ZBED6: variants seen among roughly 807,000 people sequenced by gnomAD.
The protein encoded by ZBED6 is zinc finger BED domain-containing protein 6.
Under a neutral mutation model 58.4 loss-of-function variants are expected in ZBED6, and 40 were observed. The observed-to-expected ratio is 0.68, with a 90% CI of 0.53 to 0.89. The LOEUF is 0.89. ZBED6 is among the 40% of genes least tolerant of loss of function. The pLI is 0.00. For synonymous variants in ZBED6, 439 were observed against 350.6 expected (o/e 1.25, Z -2.82); for missense variants, 1,057 against 1,003.9 (o/e 1.05, Z -0.71).
intron 1 of ZBED6, among the ~76,000 whole-genome samples, chr1:203,812,783 T>G (rs1324294528): frequency 6.6e-6 from 1 of 152,052 alleles, no homozygotes; most frequent in Non-Finnish European, 1.5e-5. Flanking sequence ...GGTCTCACCA[T>G]GTTTGCCAAG....
exon 1 of ZBED6, chr1:203,796,281 A>G (rs1254684497): frequency 1.3e-5 from 5 of 396,360 alleles, no homozygotes; most frequent in Non-Finnish European, 2.2e-5. Context: ...ACCTACTCTC[A>G]TTCCTCTCCA....
intron 11 of ZBED6, among the ~76,000 whole-genome samples, chr1:203,840,978 G>T (rs1204155012): frequency 1.3e-5 from 2 of 152,034 alleles, no homozygotes; most frequent in Non-Finnish European, 2.9e-5. Flanking sequence ...AATAAAAAGG[G>T]TTTAGATAAA....
chr1:203,797,744 G>A, exon 1 of ZBED6: 1 of 1,535,620 alleles, frequency 6.5e-7, no homozygotes. Context: ...AGGGGAAAAG[G>A]CGTCGAAAAA....
chr1:203,853,969 T>G (rs979523861), exon 17 of ZBED6: 9 of 152,682 alleles, frequency 5.9e-5, no homozygotes, highest in Admixed American at 5.2e-4. Flanking sequence ...TTTGTATATA[T>G]TCTTTATTCT....
At chr1:203,846,962 A>G (rs887184072) in intron 11 of ZBED6, among the ~76,000 whole-genome samples, 6 of 151,680 alleles carry the variant, frequency 4.0e-5, no homozygotes, top group African/African-American at 9.7e-5. Context: ...CTGAGATTAT[A>G]CCACTGCACT....
chr1:203,846,745 TGAAGAA>T (rs1384227018), intron 11 of ZBED6, among the ~76,000 whole-genome samples: 3 of 152,242 alleles, frequency 2.0e-5, no homozygotes, highest in Non-Finnish European at 2.9e-5. Flanking sequence ...TTTCAGTTTC[TGAAGAA>T]TAAGCTTCTG....
At chr1:203,841,610 G>C (rs944285363) in intron 11 of ZBED6, among the ~76,000 whole-genome samples, 6 of 151,490 alleles carry the variant, frequency 4.0e-5, no homozygotes, top group Admixed American at 2.6e-4. Context: ...ACATTTCCCC[G>C]TTTTCTATTC....
chr1:203,817,270 T>C, intron 2 of ZBED6, 146 bp downstream of exon 2: 2 of 593,552 alleles, frequency 3.4e-6, no homozygotes, highest in Non-Finnish European at 5.6e-6. Flanking sequence ...TAAAGGATAA[T>C]GTATTTAGGG....
exon 1 of ZBED6, chr1:203,797,678 G>A: frequency 6.5e-7 from 1 of 1,535,904 alleles, no homozygotes; most frequent in Non-Finnish European, 8.7e-7. Context: ...CAGAAGGAGT[G>A]AATAAAGAGG....
intron 16 of ZBED6, 121 bp downstream of exon 16, chr1:203,851,245 T>A: frequency 1.1e-6 from 1 of 873,270 alleles, no homozygotes; most frequent in Non-Finnish European, 1.7e-6. Flanking sequence ...CACTTCAAAT[T>A]AATTGCAAGA....
At chr1:203,813,741 G>A (rs1241208573) in intron 1 of ZBED6, among the ~76,000 whole-genome samples, 1 of 152,062 alleles carries the variant, frequency 6.6e-6, no homozygotes, top group Non-Finnish European at 1.5e-5. Flanking sequence ...GGCTTCTGGT[G>A]TTTGTTGGCA....
chr1:203,828,254 G>GTATC lies in ZBED6; in HGVS notation c.*2874-44_*2874-41dup, dbSNP rs1227880822. The GTATC allele has an allele frequency of 1.9e-6, 3 of 1,610,814 alleles. No homozygotes were observed. The African/African-American group carries it at 4.0e-5, about 22-fold the overall frequency. On this transcript the variant is annotated intron_variant, in intron 3 of 16. Transcript: ENST00000550078. ...AAAACAAACTGCCACATGAATATACGTATCACTGTTTTATTTGAAAGCAAT... is the reference window on the plus strand; with the variant it reads ...AAAACAAACTGCCACATGAATATACGTATCTATCACTGTTTTATTTGAAAGCAAT...
At chr1:203,831,803 G>T in intron 8 of ZBED6, 32 bp downstream of exon 8, 1 of 1,544,334 alleles carries the variant, frequency 6.5e-7, no homozygotes, top group Non-Finnish European at 8.8e-7. Flanking sequence ...GAGTTGTCAA[G>T]CCTCTACTTT....
chr1:203,842,732 C>A (rs1209003125), intron 11 of ZBED6, among the ~76,000 whole-genome samples: 1 of 149,762 alleles, frequency 6.7e-6, no homozygotes, highest in African/African-American at 2.5e-5. Context: ...TAAACATATA[C>A]CTTTAAAAAA....
chr1:203,823,216 A>G (rs1206034799), intron 3 of ZBED6, among the ~76,000 whole-genome samples: 1 of 152,202 alleles, frequency 6.6e-6, no homozygotes, highest in Non-Finnish European at 1.5e-5. Flanking sequence ...TTATTGCAGC[A>G]ATAGAGTAAA....
At chr1:203,827,476 C>G (rs1156492689) in intron 3 of ZBED6, among the ~76,000 whole-genome samples, 2 of 151,150 alleles carry the variant, frequency 1.3e-5, no homozygotes, top group African/African-American at 4.9e-5. Context: ...GTCAGGAGAT[C>G]AAGACCATCC....
intron 2 of ZBED6, among the ~76,000 whole-genome samples, chr1:203,818,119 CAGT>C (rs2102789898): frequency 1.3e-5 from 2 of 152,234 alleles, no homozygotes; most frequent in South Asian, 2.1e-4. Flanking sequence ...GTTTGCACAA[CAGT>C]AGCGTTTTAT....
exon 1 of ZBED6, chr1:203,798,658 C>G (rs1669487422): frequency 6.5e-7 from 1 of 1,536,128 alleles, no homozygotes; most frequent in Admixed American, 2.0e-5. Flanking sequence ...GAAAACAGAT[C>G]TGAAAGTCCT....
chr1:203,850,379 C>T (rs551721883), intron 14 of ZBED6, 136 bp from the exon 15 acceptor site: 4 of 1,344,200 alleles, frequency 3.0e-6, no homozygotes, highest in African/African-American at 1.4e-5. Flanking sequence ...GCCTTTGAAT[C>T]GTTTTCAGTC....
Sources: gnomAD v4.1 joint callset for allele counts (sites outside exome capture counted in the v4.1 genomes callset) on GRCh38, gnomAD v4.1.1 for gene constraint, MANE v1.5 for transcripts, NCBI Gene and HGNC (gene_info 2026-07-23, HGNC 2026-07-21) for gene names.